TMBIM6: variants seen among roughly 807,000 people sequenced by gnomAD.
TMBIM6 encodes the protein bax inhibitor 1.
A neutral mutation model predicts 31.4 loss-of-function variants in TMBIM6; 13 were observed. The ratio of observed to expected loss-of-function variants is 0.41; its 90% CI spans 0.27 to 0.66. The LOEUF (loss-of-function observed/expected upper bound fraction) is 0.66, where lower values mean the gene tolerates loss of function less well. Ranked by LOEUF, TMBIM6 falls within the 30% of genes least tolerant of loss-of-function variation. The pLI, the probability that TMBIM6 is intolerant of heterozygous loss-of-function variation, is 0.28. For synonymous variants in TMBIM6, 85 were observed against 101.7 expected (o/e 0.84, Z 0.99); for missense variants, 275 against 289.5 (o/e 0.95, Z 0.36).
chr12:49,759,192 A>G (rs763338878), intron 7 of TMBIM6, 29 bp from the exon 8 acceptor site: 1 of 1,589,296 alleles, frequency 6.3e-7, no homozygotes. Flanking sequence ...CTTCTGCTGT[A>G]TAGTAACTTC....
At chr12:49,756,547 G>A (rs974134917) in intron 4 of TMBIM6, among the ~76,000 whole-genome samples, 5 of 148,882 alleles carry the variant, frequency 3.4e-5, no homozygotes, top group African/African-American at 7.4e-5. Context: ...AGGTTCAAGC[G>A]ATTCCCCTTC....
intron 9 of TMBIM6, among the ~76,000 whole-genome samples, chr12:49,762,535 C>G (rs1470381114): frequency 2.0e-5 from 3 of 152,180 alleles, no homozygotes. Context: ...TCTAGTTTCA[C>G]TCTTTGAGGA....
At chr12:49,758,978 G>C in intron 7 of TMBIM6, 1 of 630,128 alleles carries the variant, frequency 1.6e-6, no homozygotes, top group Non-Finnish European at 2.8e-6. Flanking sequence ...GACACCATTT[G>C]TGTAAGGCCA....
chr12:49,755,932 C>A (rs552771162), intron 4 of TMBIM6, among the ~76,000 whole-genome samples, 177 bp downstream of exon 4: 74 of 149,278 alleles, frequency 5.0e-4, no homozygotes, highest in African/African-American at 1.8e-3. Context: ...CTCCCAGGTT[C>A]ACACCATTCT....
In TMBIM6 at chr12:49,753,061, A is replaced by G. The variant is rs1488494219; in HGVS notation, c.145A>G (p.Met49Val). The change falls in exon 3 of 10, where the codon ATG becomes GTG. Residue 49 changes from methionine to valine, a missense_variant. By Grantham distance (21) the Met-to-Val change is conservative (BLOSUM62 1). Coordinates refer to ENST00000267115, the MANE Select transcript of TMBIM6 (RefSeq NM_003217.3). The part of the protein sequence containing the change: ...FVAAAGAYVH[M>V]VTHFIQAGLL... ...GGCGGCTGCAGGGGCCTATGTCCAT[A>G]TGGTCACTCATTTCATTCAGGTAAG... 6.2e-7 allele frequency: 1 copy of G among 1,613,746 alleles called. No homozygotes were observed. The highest frequency in any genetic ancestry group is 8.5e-7 in the Non-Finnish European group (1 of 1,179,900).
intron 3 of TMBIM6, among the ~76,000 whole-genome samples, 179 bp from the exon 4 acceptor site, chr12:49,755,456 A>T (rs992494483): frequency 6.6e-6 from 1 of 152,184 alleles, no homozygotes; most frequent in South Asian, 2.1e-4. Context: ...CTGTGCTTCA[A>T]GGCTTCTGGG....
chr12:49,757,561 A>G (rs1048668268), intron 4 of TMBIM6, among the ~76,000 whole-genome samples: 1 of 152,258 alleles, frequency 6.6e-6, no homozygotes, highest in Non-Finnish European at 1.5e-5. Context: ...AATGTTTGCA[A>G]AACATTTGAA....
intron 3 of TMBIM6, among the ~76,000 whole-genome samples, chr12:49,755,088 G>T (rs1456491415): frequency 6.6e-6 from 1 of 152,142 alleles, no homozygotes; most frequent in Admixed American, 6.5e-5. Flanking sequence ...CTCCTGAGTA[G>T]CTGGGATTAC....
intron 4 of TMBIM6, among the ~76,000 whole-genome samples, chr12:49,756,063 G>A (rs913406921): frequency 6.6e-5 from 10 of 151,942 alleles, no homozygotes; most frequent in Non-Finnish European, 5.9e-5. Flanking sequence ...TTGATCTCCT[G>A]ACCTCATGAT....
At chr12:49,756,384 T>C (rs1565921813) in intron 4 of TMBIM6, among the ~76,000 whole-genome samples, 1 of 151,438 alleles carries the variant, frequency 6.6e-6, no homozygotes, top group Non-Finnish European at 1.5e-5. Flanking sequence ...TCCACCCACC[T>C]TAGCCTCCCA....
Position 49,758,302 on chromosome 12 carries a change from G to A in TMBIM6, c.335+27G>A, listed in dbSNP as rs73309010. 4.3e-3 allele frequency: 6,973 copies of A among 1,614,082 alleles called. 252 individuals are homozygous for A. The African/African-American group carries it at 0.08, about 19-fold the overall frequency. On this transcript the variant is annotated intron_variant, in intron 5 of 9. Transcript: ENST00000267115. ...TAACTCTTTTGGTAGTGTCTTATGTGCTTTTATCTTTATGAATATACCTTC... is the reference window on the plus strand; with the variant it reads ...TAACTCTTTTGGTAGTGTCTTATGTACTTTTATCTTTATGAATATACCTTC...
At chr12:49,746,656 G>A (rs1349930261) in intron 1 of TMBIM6, among the ~76,000 whole-genome samples, 1 of 152,146 alleles carries the variant, frequency 6.6e-6, no homozygotes, top group Non-Finnish European at 1.5e-5. Flanking sequence ...AAATAACTAG[G>A]ATTCAGAAGT....
At chr12:49,743,082 C>T (rs1194171821) in intron 1 of TMBIM6, among the ~76,000 whole-genome samples, 1 of 148,062 alleles carries the variant, frequency 6.8e-6, no homozygotes, top group Non-Finnish European at 1.5e-5. Flanking sequence ...CCTCTCCTGG[C>T]TTAGGTGATC....
chr12:49,749,269 T>C (rs112436848), intron 1 of TMBIM6, among the ~76,000 whole-genome samples: 2,993 of 152,324 alleles, frequency 0.02, 47 homozygotes, highest in Non-Finnish European at 0.027. Context: ...AAGACCTATG[T>C]ATTCCCTCTC....
intron 4 of TMBIM6, 34 bp from the exon 5 acceptor site, chr12:49,758,193 C>G (rs373091744): frequency 1.2e-6 from 2 of 1,613,172 alleles, no homozygotes; most frequent in African/African-American, 1.3e-5. Context: ...AAGAATTGAT[C>G]GTAATACTGT....
At chr12:49,751,403 G>T (rs1033804644) in intron 1 of TMBIM6, among the ~76,000 whole-genome samples, 1 of 152,122 alleles carries the variant, frequency 6.6e-6, no homozygotes, top group Non-Finnish European at 1.5e-5. Flanking sequence ...ATAGAAAGAA[G>T]ATGAAGCAAA....
intron 1 of TMBIM6, among the ~76,000 whole-genome samples, chr12:49,749,422 C>G (rs1318263594): frequency 9.6e-5 from 14 of 146,262 alleles, no homozygotes; most frequent in African/African-American, 3.2e-4. Flanking sequence ...AAGTCCTTTT[C>G]TTTTTGTAAG....
At chr12:49,753,343 GTA>G (rs1945531342) in intron 3 of TMBIM6, among the ~76,000 whole-genome samples, 1 of 152,216 alleles carries the variant, frequency 6.6e-6, no homozygotes, top group African/African-American at 2.4e-5. Context: ...CACCCACTGA[GTA>G]GGCGCATGGC....
In TMBIM6 at chr12:49,764,633, C is replaced by T. The variant is rs1945781427; in HGVS notation, c.*1737C>T. The T allele has an allele frequency of 6.9e-6, 1 of 144,646 alleles. No individual in the cohort carries two copies. The highest frequency in any genetic ancestry group is 6.8e-5 in the Admixed American group (1 of 14,806). The allele number at this position is 144,646 out of a possible 1,614,324, so 9.0% of individuals were successfully genotyped here. On this transcript the variant is annotated 3_prime_UTR_variant, in exon 10 of 10. Transcript: ENST00000267115. ...ATTTTGAGTTAACATCTCTTGAAGC[C>T]AAACTCCACCTTCTGTGCTTTTTGC...
Sources: allele counts gnomAD v4.1 joint callset (sites outside exome capture counted in the v4.1 genomes callset), GRCh38; gene constraint gnomAD v4.1.1; transcripts MANE v1.5; gene names NCBI Gene and HGNC (gene_info 2026-07-23, HGNC 2026-07-21).